PLS3: variants seen among roughly 807,000 people sequenced by gnomAD.
PLS3 encodes plastin 3, also known as plastin-3.
PLS3 carries 11 observed loss-of-function variants against 46.5 expected under a neutral mutation model. That is an observed-to-expected ratio of 0.24 (90% CI 0.15 to 0.39). PLS3 has a LOEUF of 0.39. PLS3 is among the 10% of genes least tolerant of loss of function. The pLI is 1.00. For missense variants in PLS3, 308 were observed against 461.8 expected, an observed-to-expected ratio of 0.67 and a Z score of 3.05; for synonymous variants, 167 against 162.2, an observed-to-expected ratio of 1.03 and a Z score of -0.22.
intron 15 of PLS3, 114 bp downstream of exon 15, chrX:115,648,131 G>A (rs1217394743): frequency 5.8e-6 from 3 of 517,706 alleles, no homozygotes; most frequent in Non-Finnish European, 9.7e-6. Flanking sequence ...GAAACCTCTT[G>A]GAGCCTCAGA....
rs2074987784 is a variant in PLS3 at position 115,650,022 on chromosome X, T to C, written c.*461T>C. 1 of 112,959 alleles carries C rather than the reference T, an allele frequency of 8.9e-6. No homozygotes were observed. The highest frequency in any genetic ancestry group is 1.9e-5 in the Non-Finnish European group (1 of 53,539). The allele number at this position is 112,959 out of a possible 1,213,427, so 9.3% of individuals were successfully genotyped here. A position where few individuals can be genotyped will look rare whatever the true frequency, so the allele number is the denominator to read the frequency against. On this transcript the variant is annotated 3_prime_UTR_variant, in exon 16 of 16. Coordinates refer to ENST00000355899, the MANE Select transcript of PLS3 (RefSeq NM_005032.7). ...GAGCGTATTTGGATATGAGTATCCT[T>C]TGCTTATCTTTGTAGTACTGAAAAT...
chrX:115,576,745 A>G (rs1183409573), intron 1 of PLS3, among the ~76,000 whole-genome samples: 2 of 111,528 alleles, frequency 1.8e-5, no homozygotes, highest in African/African-American at 6.5e-5. Context: ...TCCTTTAGGA[A>G]AGGATAGGCT....
intron 7 of PLS3, among the ~76,000 whole-genome samples, chrX:115,636,584 T>C (rs1556640271): frequency 2.7e-5 from 3 of 111,998 alleles, no homozygotes; most frequent in Non-Finnish European, 5.6e-5. Context: ...TGCATTAAGC[T>C]TAAAGGCCAT....
At chrX:115,635,154 A>G (rs1353041932) in intron 7 of PLS3, 108 bp downstream of exon 7, 4 of 639,729 alleles carry the variant, frequency 6.3e-6, no homozygotes, top group Non-Finnish European at 9.8e-6. Flanking sequence ...GGTAACTAGA[A>G]TGAACATAAG....
chrX:115,636,297 C>G (rs1454411765), intron 7 of PLS3, among the ~76,000 whole-genome samples: 2 of 106,056 alleles, frequency 1.9e-5, no homozygotes, highest in East Asian at 6.1e-4. Flanking sequence ...AGCTCCACCT[C>G]CCGGGTTCAC....
intron 1 of PLS3, among the ~76,000 whole-genome samples, chrX:115,566,747 T>G (rs1353583702): frequency 1.8e-5 from 2 of 109,482 alleles, no homozygotes; most frequent in African/African-American, 6.7e-5. Flanking sequence ...TGGCGTGATC[T>G]CAGCCCACTG....
At chrX:115,626,526 C>T (rs781830676) in intron 3 of PLS3, among the ~76,000 whole-genome samples, 37 of 110,838 alleles carry the variant, frequency 3.3e-4, no homozygotes, top group Middle Eastern at 4.7e-3. Context: ...TCAAACCATC[C>T]GCCCACCTTG....
At chrX:115,612,692 T>C (rs782532191) in intron 2 of PLS3, among the ~76,000 whole-genome samples, 5 of 111,771 alleles carry the variant, frequency 4.5e-5, no homozygotes, top group African/African-American at 1.6e-4. Flanking sequence ...AGAAAATCTC[T>C]GTAATTACTG....
chrX:115,582,971 G>A (rs1350359324), intron 1 of PLS3, among the ~76,000 whole-genome samples: 1 of 111,761 alleles, frequency 8.9e-6, no homozygotes, highest in Non-Finnish European at 1.9e-5. Context: ...CCTGGGGGAG[G>A]TTCAGGCTGC....
intron 7 of PLS3, among the ~76,000 whole-genome samples, chrX:115,636,104 T>C (rs1182107090): frequency 1.8e-5 from 2 of 111,897 alleles, no homozygotes; most frequent in East Asian, 5.5e-4. Context: ...AATTGATTAA[T>C]TTTACTTAAA....
At chrX:115,632,506 C>T in intron 5 of PLS3, among the ~76,000 whole-genome samples, 1 of 110,936 alleles carries the variant, frequency 9.0e-6, no homozygotes, top group Non-Finnish European at 1.9e-5. Context: ...AAGTCTAAAT[C>T]TAGATTTTAC....
chrX:115,566,408 G>A (rs2074172472), intron 1 of PLS3, among the ~76,000 whole-genome samples: 1 of 104,897 alleles, frequency 9.5e-6, no homozygotes, highest in Admixed American at 1.1e-4. Flanking sequence ...TTTTAAAGAC[G>A]GAGTCTTGCT....
intron 1 of PLS3, among the ~76,000 whole-genome samples, chrX:115,603,672 G>T (rs1434385170): frequency 9.0e-6 from 1 of 110,701 alleles, no homozygotes; most frequent in Non-Finnish European, 1.9e-5. Context: ...CTACTCAGGA[G>T]GCTGAGGCAG....
At position 115,633,994 on chromosome X, in the gene PLS3, T is replaced by C. The variant is rs782311427; in HGVS notation, c.501-6T>C. ...ACATCAGCCTTTTTTTAAATTTTTGTTTCAGTAAAATGATTAACCTTTCAG... is the reference window on the plus strand; with the variant it reads ...ACATCAGCCTTTTTTTAAATTTTTGCTTCAGTAAAATGATTAACCTTTCAG... On this transcript the variant is annotated splice_region_variant and splice_polypyrimidine_tract_variant and intron_variant, in intron 5 of 15. Transcript: ENST00000355899. 9.5e-7 allele frequency: 1 copy of C among 1,050,992 alleles called. No individual in the cohort carries two copies. Among genetic ancestry groups the C allele is most frequent in the African/African-American group, 1.9e-5 (1 of 53,732 alleles). 86.6% of individuals were successfully genotyped at this position (1,050,992 alleles called of 1,213,427 possible). A position where few individuals can be genotyped will look rare whatever the true frequency, so the allele number is the denominator to read the frequency against.
intron 1 of PLS3, among the ~76,000 whole-genome samples, chrX:115,589,250 G>T (rs1198730660): frequency 9.0e-6 from 1 of 111,585 alleles, no homozygotes; most frequent in Non-Finnish European, 1.9e-5. Flanking sequence ...GGGATTACAA[G>T]CACCAGCCAC....
In PLS3 at chrX:115,600,292, AT is replaced by A. The variant is rs781937984; in HGVS notation, c.-8-9935del. Among the ~76,000 whole-genome samples, 489 of 99,089 alleles carry A rather than the reference AT, an allele frequency of 4.9e-3. 1 individual carries two copies. The highest frequency in any genetic ancestry group is 5.5e-3 in the African/African-American group (151 of 27,375). The allele number at this position is 99,089 out of a possible 115,157, so 86.0% of individuals were successfully genotyped here. On this transcript the variant is annotated intron_variant, in intron 1 of 15. Transcript: ENST00000355899. ...TCAGGCCACCATGCTGGCTGATTTAATTTTTTTTTTTTTTTTAAGAGAAGGA... is the reference window on the plus strand; with the variant it reads ...TCAGGCCACCATGCTGGCTGATTTAATTTTTTTTTTTTTTTAAGAGAAGGA...
chrX:115,645,359 C>T (rs2074940388), intron 11 of PLS3, among the ~76,000 whole-genome samples: 1 of 110,595 alleles, frequency 9.0e-6, no homozygotes, highest in African/African-American at 3.3e-5. Flanking sequence ...TTTGAAACAG[C>T]TGTTTGGGAG....
intron 1 of PLS3, among the ~76,000 whole-genome samples, chrX:115,580,572 A>G (rs2074274389): frequency 8.9e-6 from 1 of 112,041 alleles, no homozygotes; most frequent in Non-Finnish European, 1.9e-5. Flanking sequence ...GTAGCTACAT[A>G]GTCTGACTTA....
intron 1 of PLS3, among the ~76,000 whole-genome samples, chrX:115,598,494 A>C (rs2074410802): frequency 1.8e-5 from 2 of 111,493 alleles, no homozygotes; most frequent in African/African-American, 6.5e-5. Context: ...CAAATCATTA[A>C]ATAAAAATTA....
Sources: gnomAD v4.1 joint callset for allele counts (sites outside exome capture counted in the v4.1 genomes callset) on GRCh38, gnomAD v4.1.1 for gene constraint, MANE v1.5 for transcripts, NCBI Gene and HGNC (gene_info 2026-07-23, HGNC 2026-07-21) for gene names.